CDH13: variants seen among roughly 807,000 people sequenced by gnomAD.
CDH13 encodes cadherin 13, also known as cadherin-13.
Under a neutral mutation model 63.8 loss-of-function variants are expected in CDH13, and 24 were observed. The ratio of observed to expected loss-of-function variants is 0.38; its 90% CI spans 0.27 to 0.53. The LOEUF (loss-of-function observed/expected upper bound fraction) is 0.53, where lower values mean the gene tolerates loss of function less well. Among genes scored for constraint, CDH13 ranks in the 20% least tolerant of loss-of-function variants. The probability of loss-of-function intolerance (pLI) is 0.85; values close to 1 mark genes in which losing one functional copy is unlikely to be tolerated. For missense variants in CDH13, 1,049 were observed against 903.1 expected, an observed-to-expected ratio of 1.16 and a Z score of -2.07; for synonymous variants, 503 against 355.3, an observed-to-expected ratio of 1.42 and a Z score of -4.67.
At chr16:83,266,867 G>C (rs1907684984) in intron 5 of CDH13, among the ~76,000 whole-genome samples, 1 of 152,140 alleles carries the variant, frequency 6.6e-6, no homozygotes, top group Non-Finnish European at 1.5e-5. Context: ...CTGGTCTCAA[G>C]TCGGGATGTC....
chr16:83,357,367 A>T (rs1227342512), intron 6 of CDH13, among the ~76,000 whole-genome samples: 1 of 152,202 alleles, frequency 6.6e-6, no homozygotes, highest in Non-Finnish European at 1.5e-5. Context: ...TCACATACAC[A>T]CACATGAAAT....
At chr16:82,764,371 A>G (rs1057277015) in intron 1 of CDH13, among the ~76,000 whole-genome samples, 3 of 151,920 alleles carry the variant, frequency 2.0e-5, no homozygotes, top group Admixed American at 1.3e-4. Flanking sequence ...CTTCTCCTCT[A>G]CTCTCTGAGG....
intron 4 of CDH13, among the ~76,000 whole-genome samples, chr16:83,137,544 C>T (rs1301672881): frequency 2.0e-5 from 3 of 152,242 alleles, no homozygotes; most frequent in Non-Finnish European, 4.4e-5. Context: ...AGAAAAGCCA[C>T]TGCCTCGCTT....
intron 1 of CDH13, chr16:82,773,175 G>C (rs1056661571): frequency 6.6e-6 from 1 of 152,264 alleles, no homozygotes; most frequent in African/African-American, 2.4e-5. Context: ...CTGGGACATG[G>C]GGCTGAGCCA....
intron 5 of CDH13, among the ~76,000 whole-genome samples, chr16:83,322,999 A>C (rs930144333): frequency 6.6e-6 from 1 of 151,668 alleles, no homozygotes; most frequent in African/African-American, 2.4e-5. Flanking sequence ...TTTCATACCC[A>C]TTTGTTTGAT....
chr16:83,742,609 C>G (rs1381049268), intron 10 of CDH13, among the ~76,000 whole-genome samples: 1 of 152,150 alleles, frequency 6.6e-6, no homozygotes, highest in Non-Finnish European at 1.5e-5. Flanking sequence ...ATTTACATAG[C>G]GCGCCTGGCC....
intron 1 of CDH13, among the ~76,000 whole-genome samples, chr16:82,749,812 C>T (rs1310372687): frequency 1.3e-5 from 2 of 152,128 alleles, no homozygotes; most frequent in Non-Finnish European, 1.5e-5. Flanking sequence ...CTCCCTTCTT[C>T]CTCCTTTCCT....
rs138207907 is a variant in CDH13, at chr16:82,766,991, C to G, written c.46-91371C>G. Among the ~76,000 whole-genome samples, 8 of 152,258 alleles carry G rather than the reference C, an allele frequency of 5.3e-5. No homozygotes were observed. The East Asian group carries it at 1.4e-3, about 26-fold the overall frequency. ...CCATTTAATCCACGCATTTTACCAC[C>G]TATCTTTCCTTCTGTGTGTCTCCCG... On this transcript the variant is annotated intron_variant, in intron 1 of 13. Transcript: ENST00000567109.
rs77463053 is a variant in CDH13, at chr16:83,364,436, G to A, written c.781+19430G>A. 9.6e-3 allele frequency among the ~76,000 whole-genome samples: 1,466 copies of A among 152,264 alleles called. 18 individuals carry two copies. The highest frequency in any genetic ancestry group is 0.033 in the African/African-American group (1,358 of 41,546). On this transcript the variant is annotated intron_variant, in intron 6 of 13. Coordinates refer to ENST00000567109, the MANE Select transcript of CDH13 (RefSeq NM_001257.5). ...ATTATCCCGAGAAATAGATAAAGGA[G>A]TTCTCATTTACAGATAAGGACCTGA...
At chr16:82,647,941 G>C (rs200194847) in intron 1 of CDH13, among the ~76,000 whole-genome samples, 1 of 152,192 alleles carries the variant, frequency 6.6e-6, no homozygotes, top group East Asian at 1.9e-4. Context: ...TTAGGGGCAG[G>C]TTTTCCCTGT....
chr16:82,993,099 C>G (rs1294777571), intron 2 of CDH13, among the ~76,000 whole-genome samples: 1 of 152,102 alleles, frequency 6.6e-6, no homozygotes, highest in Non-Finnish European at 1.5e-5. Context: ...CACCTTTGAT[C>G]TTAGGTAGGT....
chr16:83,033,804 C>T (rs1003562798), intron 3 of CDH13, among the ~76,000 whole-genome samples: 2 of 152,222 alleles, frequency 1.3e-5, no homozygotes, highest in Admixed American at 1.3e-4. Flanking sequence ...GGGCAAGACA[C>T]ACAGCAGGAT....
At chr16:83,214,742 C>G (rs939612449) in intron 4 of CDH13, among the ~76,000 whole-genome samples, 13 of 152,034 alleles carry the variant, frequency 8.6e-5, no homozygotes, top group Admixed American at 2.6e-4. Context: ...AGGACATGTA[C>G]TTTATAGATG....
chr16:82,878,567 CA>C (rs1371118618), intron 2 of CDH13, among the ~76,000 whole-genome samples: 1 of 150,780 alleles, frequency 6.6e-6, no homozygotes, highest in African/African-American at 2.4e-5. Flanking sequence ...AGATTTATTC[CA>C]GAACCCCTTC....
intron 1 of CDH13, chr16:82,824,843 T>C (rs747922829): frequency 5.3e-5 from 8 of 152,262 alleles, no homozygotes; most frequent in Non-Finnish European, 8.8e-5. Context: ...TAGAATAATA[T>C]GAACAAAGAC....
At chr16:83,735,026 T>C (rs1413689584) in intron 10 of CDH13, among the ~76,000 whole-genome samples, 1 of 150,276 alleles carries the variant, frequency 6.7e-6, no homozygotes, top group East Asian at 1.9e-4. Flanking sequence ...TAAGCGTCAG[T>C]TCTGTGGGAC....
rs1597485497 is a variant in CDH13 at position 83,187,376 on chromosome 16, ATCCTCTCAAATG to A, written c.484-29968_484-29957del. ...TTGACATTTTTATGTTGCTCTTTGAATCCTCTCAAATGCCAGCTGATTTAGGTTTCATTTTTC... is the reference window on the plus strand; with the variant it reads ...TTGACATTTTTATGTTGCTCTTTGAACCAGCTGATTTAGGTTTCATTTTTC... On this transcript the variant is annotated intron_variant, in intron 4 of 13. Transcript: ENST00000567109. 1.8e-4 allele frequency among the ~76,000 whole-genome samples: 27 copies of A among 152,288 alleles called. No homozygotes were observed. The East Asian group carries it at 5.0e-3, about 28-fold the overall frequency.
chr16:82,746,313 A>T (rs1244412672), intron 1 of CDH13, among the ~76,000 whole-genome samples: 1 of 139,410 alleles, frequency 7.2e-6, no homozygotes, highest in East Asian at 1.9e-4. Context: ...ACATATTTTA[A>T]ACAATTTCTA....
chr16:82,941,633 G>A (rs188587707), intron 2 of CDH13, among the ~76,000 whole-genome samples: 7 of 152,134 alleles, frequency 4.6e-5, no homozygotes, highest in Admixed American at 3.3e-4. Context: ...ATTAAACACG[G>A]CTATTCTTAA....
Sources: allele counts gnomAD v4.1 joint callset (sites outside exome capture counted in the v4.1 genomes callset), GRCh38; gene constraint gnomAD v4.1.1; transcripts MANE v1.5; gene names NCBI Gene and HGNC (gene_info 2026-07-23, HGNC 2026-07-21).